CDH6: variants seen among roughly 807,000 people sequenced by gnomAD.
CDH6 encodes cadherin 6.
A neutral mutation model predicts 78.0 loss-of-function variants in CDH6; 31 were observed. The ratio of observed to expected loss-of-function variants is 0.40; its 90% CI spans 0.30 to 0.54. CDH6 has a LOEUF of 0.54. Among genes scored for constraint, CDH6 ranks in the 20% least tolerant of loss-of-function variants. CDH6 has a pLI of 0.56. For missense variants in CDH6, 724 were observed against 975.9 expected (o/e 0.74, Z 3.44); for synonymous variants, 376 against 368.8 (o/e 1.02, Z -0.23).
rs1418744068 is a variant in CDH6 at position 31,267,569 on chromosome 5, A to G, written c.96A>G (p.Pro32=). The G allele has an allele frequency of 6.2e-7, 1 of 1,614,130 alleles. No individual in the cohort carries two copies. Among genetic ancestry groups the G allele is most frequent in the Admixed American group, 1.7e-5 (1 of 60,018 alleles). Residue 32 remains proline, a synonymous_variant, in exon 2 of 12, where the codon CCA becomes CCG. Transcript: ENST00000265071. The stretch of plus-strand genomic sequence containing the variant: ...TATCAAAGAGGACTAGTGGTTTCCC[A>G]GCAAAGAAAAGGGCCCTGGAGCTCT... ...TPLSKRTSGF[P]AKKRALELSG... is the part of the protein sequence containing the mutation.
At chr5:31,223,824 A>C (rs1741065901) in intron 1 of CDH6, among the ~76,000 whole-genome samples, 1 of 152,246 alleles carries the variant, frequency 6.6e-6, no homozygotes, top group Non-Finnish European at 1.5e-5. Flanking sequence ...AAAAGAATTT[A>C]AAATGTATTT....
intron 8 of CDH6, 78 bp from the exon 9 acceptor site, chr5:31,316,130 G>A: frequency 2.1e-6 from 3 of 1,451,584 alleles, no homozygotes; most frequent in Non-Finnish European, 2.8e-6. Flanking sequence ...GAGAATGAAG[G>A]AGTTGAGCGG....
Position 31,313,346 on chromosome 5 carries a change from G to C in CDH6, c.1282G>C (p.Asp428His). The C allele has an allele frequency of 6.2e-7, 1 of 1,613,464 alleles. No individual in the cohort carries two copies. Among genetic ancestry groups the C allele is most frequent in the Non-Finnish European group, 8.5e-7 (1 of 1,179,460 alleles). ...KYSVDRHTDM[D>H]RIFNIDSGNG... is the part of the protein sequence containing the mutation. ...CTCTGTAGATCGACACACAGATATG[G>C]ACAGAATATTCAACATTGATTCTGG... The change falls in exon 8 of 12, where the codon GAC (aspartate) becomes CAC (histidine). Residue 428 changes from aspartate to histidine, a missense_variant. By Grantham distance (81) the Asp-to-His change is moderately conservative. This residue lies in a region of CDH6 where 446 missense variants were observed against 684.5 expected (regional missense o/e 0.65). Transcript: ENST00000265071.
At chr5:31,282,849 C>A (rs1742898282) in intron 2 of CDH6, among the ~76,000 whole-genome samples, 1 of 152,098 alleles carries the variant, frequency 6.6e-6, no homozygotes, top group South Asian at 2.1e-4. Context: ...GACACAAGGT[C>A]TATTTCAGGG....
In CDH6 at chr5:31,316,213, C is replaced by T; in HGVS notation, c.1396C>T (p.Pro466Ser). ...TTCTTTTTGGTTTGTGACAGATAAT[C>T]CAAAGCAAAGTAGTCGAGTACCTCT... ...ITVIATEINNPKQSSRVPLYI... is the reference protein window; with the variant it reads ...ITVIATEINNSKQSSRVPLYI... The change falls in exon 9 of 12, where the codon CCA becomes TCA. Residue 466 changes from proline (P) to serine (S), a missense_variant. Physicochemically the swap from Pro to Ser is moderately conservative, Grantham distance 74. Coordinates refer to ENST00000265071, the MANE Select transcript of CDH6 (RefSeq NM_004932.4). The T allele has an allele frequency of 6.2e-7, 1 of 1,602,650 alleles. No individual in the cohort carries two copies. The highest frequency in any genetic ancestry group is 1.1e-5 in the South Asian group (1 of 87,876).
intron 2 of CDH6, among the ~76,000 whole-genome samples, chr5:31,271,584 T>C (rs866462518): frequency 1.3e-5 from 2 of 152,200 alleles, no homozygotes; most frequent in Non-Finnish European, 2.9e-5. Context: ...AAAATGGTAG[T>C]GGCAGGGACA....
chr5:31,238,956 A>G (rs1315320616), intron 1 of CDH6, among the ~76,000 whole-genome samples: 3 of 152,254 alleles, frequency 2.0e-5, no homozygotes. Flanking sequence ...TAACACACTT[A>G]AGTAGTCAAA....
chr5:31,313,517 G>A, intron 8 of CDH6, 63 bp downstream of exon 8: 2 of 1,476,198 alleles, frequency 1.4e-6, no homozygotes, highest in Middle Eastern at 1.8e-4. Context: ...AGCAAGGGCT[G>A]GTGGAGCGTA....
chr5:31,280,065 C>T (rs1383956876), intron 2 of CDH6, among the ~76,000 whole-genome samples: 1 of 152,108 alleles, frequency 6.6e-6, no homozygotes, highest in African/African-American at 2.4e-5. Flanking sequence ...CATCGCTTCC[C>T]TGAGTTTTAA....
chr5:31,199,469 C>CACATATGTGTATATAT (rs1740269422), intron 1 of CDH6, among the ~76,000 whole-genome samples: 1 of 109,768 alleles, frequency 9.1e-6, no homozygotes, highest in African/African-American at 3.1e-5. Context: ...TATATATACA[C>CACATATGTGTATATAT]ACACATATGT....
chr5:31,312,727 TG>T (rs1738193114), intron 7 of CDH6, among the ~76,000 whole-genome samples: 1 of 151,888 alleles, frequency 6.6e-6, no homozygotes. Context: ...AAAAAACCCT[TG>T]GGTAGATTCG....
intron 7 of CDH6, among the ~76,000 whole-genome samples, chr5:31,312,637 A>G (rs1343967): frequency 0.53 from 80,289 of 151,894 alleles, 21,442 homozygotes; most frequent in East Asian, 0.56. Flanking sequence ...GTTGCAGTAA[A>G]CCAAGATCAT....
chr5:31,239,699 G>A (rs1382196633), intron 1 of CDH6, among the ~76,000 whole-genome samples: 5 of 152,150 alleles, frequency 3.3e-5, no homozygotes, highest in Admixed American at 6.5e-5. Flanking sequence ...TAAAGGGGGC[G>A]CATGTGATGA....
intron 8 of CDH6, among the ~76,000 whole-genome samples, chr5:31,314,668 T>C (rs1433115832): frequency 6.6e-6 from 1 of 152,144 alleles, no homozygotes; most frequent in Non-Finnish European, 1.5e-5. Flanking sequence ...ATTTATGTTA[T>C]GGGACTGATG....
intron 1 of CDH6, among the ~76,000 whole-genome samples, chr5:31,259,897 C>T (rs1742166640): frequency 6.6e-6 from 1 of 152,164 alleles, no homozygotes; most frequent in Non-Finnish European, 1.5e-5. Context: ...ACAGTGGGGA[C>T]CGTGGCAGCC....
rs1011878333 is a variant in CDH6 at position 31,302,042 on chromosome 5, G to A, written c.812-69G>A. 34 of 1,045,130 alleles carry A rather than the reference G, an allele frequency of 3.3e-5. 1 individual carries two copies. The South Asian group carries it at 6.6e-4, about 20-fold the overall frequency. The allele number at this position is 1,045,130 out of a possible 1,614,324, so 64.7% of individuals were successfully genotyped here. On this transcript the variant is annotated intron_variant, in intron 5 of 11. Coordinates refer to ENST00000265071, the MANE Select transcript of CDH6 (RefSeq NM_004932.4). ...GTCTTAAAGAACTGTTAGAGAATAGGTTTTGTTTTTATGATGATAAGAGTG... is the reference window on the plus strand; with the variant it reads ...GTCTTAAAGAACTGTTAGAGAATAGATTTTGTTTTTATGATGATAAGAGTG...
At chr5:31,199,366 A>G (rs1740258123) in intron 1 of CDH6, among the ~76,000 whole-genome samples, 1 of 150,014 alleles carries the variant, frequency 6.7e-6, no homozygotes, top group Non-Finnish European at 1.5e-5. Flanking sequence ...TATGATGTAT[A>G]TATATGATAT....
chr5:31,211,034 T>C (rs1740690964), intron 1 of CDH6, among the ~76,000 whole-genome samples: 1 of 152,242 alleles, frequency 6.6e-6, no homozygotes, highest in South Asian at 2.1e-4. Context: ...ATACTAATTA[T>C]TTGAAGGACC....
At chr5:31,268,100 G>A (rs894306975) in intron 2 of CDH6, among the ~76,000 whole-genome samples, 2 of 152,144 alleles carry the variant, frequency 1.3e-5, no homozygotes, top group Non-Finnish European at 2.9e-5. Flanking sequence ...AATGTTCTGA[G>A]CTATAGTCCT....
Sources: gnomAD v4.1 joint callset for allele counts (sites outside exome capture counted in the v4.1 genomes callset) on GRCh38, gnomAD v4.1.1 for gene constraint, gnomAD v4.1.1 regional missense constraint, MANE v1.5 for transcripts, NCBI Gene and HGNC (gene_info 2026-07-23, HGNC 2026-07-21) for gene names.